TRIM2: variants seen among roughly 807,000 people sequenced by gnomAD.
The protein encoded by TRIM2 is tripartite motif-containing protein 2.
In TRIM2, 20 loss-of-function variants were observed where a neutral mutation model predicts 75.2. The ratio of observed to expected loss-of-function variants is 0.27; its 90% CI spans 0.19 to 0.39. TRIM2 has a LOEUF of 0.39. Among genes scored for constraint, TRIM2 ranks in the 10% least tolerant of loss-of-function variants. The pLI is 1.00. For missense variants in TRIM2, 660 were observed against 990.8 expected, an observed-to-expected ratio of 0.67 and a Z score of 4.48; for synonymous variants, 373 against 388.3, an observed-to-expected ratio of 0.96 and a Z score of 0.46.
At chr4:153,239,497 C>T (rs1436125622) in intron 1 of TRIM2, among the ~76,000 whole-genome samples, 1 of 152,136 alleles carries the variant, frequency 6.6e-6, no homozygotes, top group South Asian at 2.1e-4. Context: ...AAGTTATCCT[C>T]TATTTGTAAG....
intron 1 of TRIM2, among the ~76,000 whole-genome samples, chr4:153,178,471 C>A (rs1277441736): frequency 1.2e-4 from 19 of 152,178 alleles, no homozygotes; most frequent in Admixed American, 1.2e-3. Context: ...GGCTCTTGTG[C>A]CTTCTGGCTG....
At chr4:153,167,338 G>A (rs1452699205) in intron 1 of TRIM2, among the ~76,000 whole-genome samples, 2 of 152,188 alleles carry the variant, frequency 1.3e-5, no homozygotes, top group Non-Finnish European at 2.9e-5. Context: ...GTTTCCCACT[G>A]AAGTAATTCA....
chr4:153,194,747 A>G (rs1733597475), intron 1 of TRIM2, among the ~76,000 whole-genome samples: 2 of 151,670 alleles, frequency 1.3e-5, no homozygotes, highest in Non-Finnish European at 2.9e-5. Flanking sequence ...TAAGTTGGGA[A>G]CTCTCATCTT....
intron 6 of TRIM2, among the ~76,000 whole-genome samples, chr4:153,297,197 A>G (rs1167104969): frequency 1.3e-5 from 2 of 152,126 alleles, no homozygotes; most frequent in African/African-American, 4.8e-5. Flanking sequence ...CTTCGCAAAG[A>G]CGGTGATATG....
intron 11 of TRIM2, among the ~76,000 whole-genome samples, chr4:153,333,180 T>A (rs112907420): frequency 1.3e-5 from 2 of 152,306 alleles, no homozygotes; most frequent in African/African-American, 4.8e-5. Context: ...CTCTGATGCA[T>A]CTCAAGGGCA....
At chr4:153,217,194 A>G (rs908955088) in intron 1 of TRIM2, among the ~76,000 whole-genome samples, 60 of 152,204 alleles carry the variant, frequency 3.9e-4, no homozygotes, top group African/African-American at 1.4e-3. Flanking sequence ...GACCCTAGAC[A>G]TAAAGAAGAC....
At chr4:153,293,871 C>T (rs1438080506) in intron 4 of TRIM2, among the ~76,000 whole-genome samples, 2 of 152,088 alleles carry the variant, frequency 1.3e-5, no homozygotes, top group Non-Finnish European at 2.9e-5. Flanking sequence ...TGCCTGGAGA[C>T]ATTTTTGGTA....
Position 153,339,064 on chromosome 4 carries a change from T to A in TRIM2, c.*4098T>A. The A allele has an allele frequency of 2.0e-6, 2 of 985,832 alleles. No homozygotes were observed. The highest frequency in any genetic ancestry group is 9.4e-5 in the South Asian group (2 of 21,288). The allele number at this position is 985,832 out of a possible 1,614,324, so 61.1% of individuals were successfully genotyped here. A position where few individuals can be genotyped will look rare whatever the true frequency, so the allele number is the denominator to read the frequency against. ...TAAGTCTTGCACTCTCTGACATTGA[T>A]ACTGATATATTCTCGTCATTTGTTC... On this transcript the variant is annotated 3_prime_UTR_variant, in exon 12 of 12. Transcript: ENST00000338700.
chr4:153,298,907 T>A (rs559235951), intron 6 of TRIM2, among the ~76,000 whole-genome samples: 2 of 152,092 alleles, frequency 1.3e-5, no homozygotes, highest in Non-Finnish European at 2.9e-5. Flanking sequence ...CTAATTTTTG[T>A]TTTTGTTTTT....
chr4:153,174,608 G>A (rs939347081), intron 1 of TRIM2, among the ~76,000 whole-genome samples: 3 of 152,174 alleles, frequency 2.0e-5, no homozygotes, highest in East Asian at 1.9e-4. Context: ...AGAGCAGGGC[G>A]GTGATTTCAG....
At chr4:153,189,925 G>T (rs756029299) in intron 1 of TRIM2, among the ~76,000 whole-genome samples, 14 of 152,110 alleles carry the variant, frequency 9.2e-5, no homozygotes, top group Admixed American at 3.9e-4. Flanking sequence ...GAGGCAATAT[G>T]AATATCTTGG....
chr4:153,197,638 G>T (rs1441668482), intron 1 of TRIM2, among the ~76,000 whole-genome samples: 1 of 152,118 alleles, frequency 6.6e-6, no homozygotes, highest in Admixed American at 6.6e-5. Flanking sequence ...ATGGGAGGCC[G>T]AGGCGGGTGG....
At chr4:153,202,558 G>A (rs2149680989), upstream of TRIM2, among the ~76,000 whole-genome samples, 1 of 152,162 alleles carries the variant, frequency 6.6e-6, no homozygotes, top group Admixed American at 6.5e-5. Flanking sequence ...AATTAGCCGG[G>A]CATGGCGGCA....
intron 1 of TRIM2, among the ~76,000 whole-genome samples, chr4:153,172,438 T>C (rs572411527): frequency 2.6e-5 from 4 of 152,258 alleles, no homozygotes; most frequent in African/African-American, 7.2e-5. Flanking sequence ...CCGCCCGCCT[T>C]GGCCTCCCAA....
chr4:153,292,847 A>T (rs1438879272), intron 3 of TRIM2, 135 bp from the exon 4 acceptor site: 2 of 921,250 alleles, frequency 2.2e-6, no homozygotes, highest in African/African-American at 3.3e-5. Flanking sequence ...TTCTCCTGTG[A>T]AGCTGGACTT....
At chr4:153,203,103 C>CAAA (rs200371158), upstream of TRIM2, among the ~76,000 whole-genome samples, 7 of 87,320 alleles carry the variant, frequency 8.0e-5, no homozygotes, top group Non-Finnish European at 1.1e-4. Context: ...GACTCCATCT[C>CAAA]AAAAAAAAAA....
At chr4:153,285,015 T>G (rs1464455999) in intron 3 of TRIM2, among the ~76,000 whole-genome samples, 1 of 152,218 alleles carries the variant, frequency 6.6e-6, no homozygotes, top group East Asian at 1.9e-4. Context: ...AATCCATTGC[T>G]GATTCAAGGT....
At chr4:153,155,476 A>G (rs1040913724) in intron 1 of TRIM2, among the ~76,000 whole-genome samples, 2 of 152,218 alleles carry the variant, frequency 1.3e-5, no homozygotes, top group Admixed American at 6.5e-5. Context: ...AGGAGAGACT[A>G]AAAGAACCGA....
intron 1 of TRIM2, among the ~76,000 whole-genome samples, chr4:153,241,100 C>T (rs1382420612): frequency 6.6e-6 from 1 of 152,110 alleles, no homozygotes; most frequent in African/African-American, 2.4e-5. Context: ...AACAAAAAAA[C>T]CTTTTCCTGT....
Sources: gnomAD v4.1 joint callset for allele counts (sites outside exome capture counted in the v4.1 genomes callset) on GRCh38, gnomAD v4.1.1 for gene constraint, MANE v1.5 for transcripts, NCBI Gene and HGNC (gene_info 2026-07-23, HGNC 2026-07-21) for gene names.